The following NFASC variants were observed in gnomAD, a reference collection of about 807,000 sequenced individuals.
NFASC encodes the protein neurofascin homolog.
NFASC carries 43 observed loss-of-function variants against 147.5 expected under a neutral mutation model. The ratio of observed to expected loss-of-function variants is 0.29; its 90% CI spans 0.23 to 0.38. NFASC has a LOEUF of 0.38. Ranked by LOEUF, NFASC falls within the 10% of genes least tolerant of loss-of-function variation. NFASC has a pLI of 1.00. For missense variants in NFASC, 1,320 were observed against 1,689.0 expected, an observed-to-expected ratio of 0.78 and a Z score of 3.83; for synonymous variants, 622 against 665.5, an observed-to-expected ratio of 0.93 and a Z score of 1.01.
chr1:204,902,961 G>T (rs1447941928), intron 1 of NFASC, among the ~76,000 whole-genome samples: 1 of 152,208 alleles, frequency 6.6e-6, no homozygotes, highest in African/African-American at 2.4e-5. Context: ...CAGGCACAGA[G>T]TAGGTGGAAG....
At chr1:204,881,938 C>G (rs1374612547) in intron 1 of NFASC, among the ~76,000 whole-genome samples, 1 of 152,112 alleles carries the variant, frequency 6.6e-6, no homozygotes, top group African/African-American at 2.4e-5. Context: ...ATCACCCTGG[C>G]CTGTTTGCAG....
chr1:204,973,493 C>T (rs2095317458), intron 12 of NFASC, 74 bp downstream of exon 12: 7 of 1,548,726 alleles, frequency 4.5e-6, no homozygotes, highest in Middle Eastern at 1.7e-4. Flanking sequence ...TTGGTTATGT[C>T]GTGGGGCACA....
At chr1:204,850,611 G>A (rs879126608) in intron 1 of NFASC, among the ~76,000 whole-genome samples, 1 of 152,210 alleles carries the variant, frequency 6.6e-6, no homozygotes, top group African/African-American at 2.4e-5. Flanking sequence ...AGATCTGATG[G>A]TTTAAAAGTG....
chr1:204,830,203 G>A (rs1249573945), intron 1 of NFASC, among the ~76,000 whole-genome samples: 3 of 152,230 alleles, frequency 2.0e-5, no homozygotes, highest in Non-Finnish European at 1.5e-5. Flanking sequence ...AGCAAGGCAA[G>A]GGCAAGCCAC....
rs185499674 is a variant in NFASC, at chr1:204,968,757, C to G, written c.819-41C>G. 3.8e-6 allele frequency: 6 copies of G among 1,581,762 alleles called. No individual in the cohort carries two copies. The Admixed American group carries it at 1.0e-4, about 27-fold the overall frequency. Reference sequence around the variant, plus strand: ...GCTGTATAGAAGAGGAGAAAGGCCACGTTTAGTGATAACTTGTTTCCTGCT... The same window carrying G: ...GCTGTATAGAAGAGGAGAAAGGCCAGGTTTAGTGATAACTTGTTTCCTGCT... On this transcript the variant is annotated intron_variant, in intron 9 of 29. Coordinates refer to ENST00000339876, the MANE Select transcript of NFASC (RefSeq NM_001005388.3). The surrounding 1 kb of genome is among the most constrained non-coding windows in gnomAD (Gnocchi z 5.4).
intron 3 of NFASC, among the ~76,000 whole-genome samples, chr1:204,945,604 C>G (rs1015622725): frequency 2.6e-5 from 4 of 152,216 alleles, no homozygotes; most frequent in Admixed American, 6.5e-5. Context: ...GGGCAAAGCC[C>G]CTGCTGCCCT....
intron 1 of NFASC, among the ~76,000 whole-genome samples, chr1:204,880,218 C>A: frequency 6.6e-6 from 1 of 152,206 alleles, no homozygotes; most frequent in Non-Finnish European, 1.5e-5. Context: ...ACAGCTCTAC[C>A]TGCGTGAGCT....
chr1:204,878,560 G>A (rs891124087), intron 1 of NFASC, among the ~76,000 whole-genome samples: 14 of 152,290 alleles, frequency 9.2e-5, no homozygotes, highest in African/African-American at 3.4e-4. Flanking sequence ...GTAAAATATG[G>A]AATTATAATT....
chr1:204,842,551 C>T (rs1675661167), intron 1 of NFASC, among the ~76,000 whole-genome samples: 1 of 152,212 alleles, frequency 6.6e-6, no homozygotes, highest in Non-Finnish European at 1.5e-5. Context: ...TAGAAACTTC[C>T]AGTTAGGCCT....
chr1:204,920,029 G>T (rs530298937), intron 1 of NFASC, among the ~76,000 whole-genome samples: 8 of 152,312 alleles, frequency 5.3e-5, no homozygotes, highest in Admixed American at 1.3e-4. Context: ...GCTAACTAAT[G>T]ATCTGATCCT....
At chr1:204,903,573 G>A (rs1415754864) in intron 1 of NFASC, among the ~76,000 whole-genome samples, 3 of 152,216 alleles carry the variant, frequency 2.0e-5, no homozygotes, top group Non-Finnish European at 4.4e-5. Flanking sequence ...TGAGGCAGGA[G>A]CTTGGCTCTC....
intron 1 of NFASC, among the ~76,000 whole-genome samples, chr1:204,874,841 A>G (rs1027414354): frequency 6.6e-6 from 1 of 152,130 alleles, no homozygotes; most frequent in African/African-American, 2.4e-5. Flanking sequence ...TTTGCTGTAG[A>G]CTGAATAAGG....
chr1:204,899,037 C>T (rs2083974655), intron 1 of NFASC, among the ~76,000 whole-genome samples: 1 of 152,160 alleles, frequency 6.6e-6, no homozygotes, highest in African/African-American at 2.4e-5. Context: ...ACAGCTCCTG[C>T]GAAGTCCGGA....
chr1:204,969,437 G>A (rs1408970263), intron 10 of NFASC, among the ~76,000 whole-genome samples: 1 of 152,192 alleles, frequency 6.6e-6, no homozygotes, highest in Non-Finnish European at 1.5e-5. Context: ...TCCCCCCAAA[G>A]CAAAGAGGGC....
intron 1 of NFASC, among the ~76,000 whole-genome samples, chr1:204,839,368 AACACACACACACAC>A (rs55784616): frequency 0.035 from 4,784 of 135,164 alleles, 240 homozygotes; most frequent in African/African-American, 0.11. Context: ...GCACGTATGA[AACACACACACACAC>A]ACACACACAC....
At chr1:204,829,174 C>A (rs1210637178) in intron 1 of NFASC, among the ~76,000 whole-genome samples, 2 of 150,062 alleles carry the variant, frequency 1.3e-5, no homozygotes, top group African/African-American at 4.9e-5. Flanking sequence ...TCCTGTATTT[C>A]CTACCGCACA....
chr1:205,016,219 T>C lies in NFASC; in HGVS notation c.3492-89T>C. 1 of 893,580 alleles carries C rather than the reference T, an allele frequency of 1.1e-6. No individual in the cohort carries two copies. The highest frequency in any genetic ancestry group is 1.4e-5 in the South Asian group (1 of 70,210). 55.4% of individuals were successfully genotyped at this position (893,580 alleles called of 1,614,324 possible). On this transcript the variant is annotated intron_variant, in intron 29 of 29. Coordinates refer to ENST00000339876, the MANE Select transcript of NFASC (RefSeq NM_001005388.3). The surrounding 1 kb of genome is among the most constrained non-coding windows in gnomAD (Gnocchi z 5.1). ...GGACTGGGCGGTCTCCTGGATCCCA[T>C]CCTCTCTGAGCTGTGTAGGGCATGT...
chr1:204,838,425 A>C (rs1012342747), intron 1 of NFASC, among the ~76,000 whole-genome samples: 1 of 152,166 alleles, frequency 6.6e-6, no homozygotes, highest in African/African-American at 2.4e-5. Context: ...CCCATGCTGA[A>C]TCCAAACTGA....
At position 204,979,286 on chromosome 1, in the gene NFASC, C is replaced by T. The variant is rs963046639; in HGVS notation, c.1979-76C>T. On this transcript the variant is annotated intron_variant, in intron 18 of 29. Transcript: ENST00000339876. This position sits in a 1 kb window ranked among gnomAD's most constrained non-coding sequence, Gnocchi z 6.0. Reference sequence around the variant, plus strand: ...AGAGATTATAAAGATCAATGGAAGCCAAGAAGGAAGTGCTTTTAAAGAAGA... The same window carrying T: ...AGAGATTATAAAGATCAATGGAAGCTAAGAAGGAAGTGCTTTTAAAGAAGA... The T allele has an allele frequency of 8.1e-7, 1 of 1,236,402 alleles. No individual in the cohort carries two copies. The highest frequency in any genetic ancestry group is 1.5e-5 in the African/African-American group (1 of 67,320). 76.6% of individuals were successfully genotyped at this position (1,236,402 alleles called of 1,614,324 possible). A position where few individuals can be genotyped will look rare whatever the true frequency, so the allele number is the denominator to read the frequency against.
Sources: allele counts gnomAD v4.1 joint callset (sites outside exome capture counted in the v4.1 genomes callset), GRCh38; gene constraint gnomAD v4.1.1; non-coding constraint Gnocchi (gnomAD v3.1); transcripts MANE v1.5; gene names NCBI Gene and HGNC (gene_info 2026-07-23, HGNC 2026-07-21).